Variants in RAPGEF5 observed in about 807,000 individuals in gnomAD.
The protein encoded by RAPGEF5 is Rap guanine nucleotide exchange factor 5, also known as M-Ras-regulated GEF.
A neutral mutation model predicts 125.2 loss-of-function variants in RAPGEF5; 65 were observed. The observed-to-expected ratio is 0.52, with a 90% CI of 0.43 to 0.64. The LOEUF is 0.64. Among genes scored for constraint, RAPGEF5 ranks in the 30% least tolerant of loss-of-function variants. The pLI is 0.00. For missense variants in RAPGEF5, 958 were observed against 1,048.1 expected, an observed-to-expected ratio of 0.91 and a Z score of 1.19; for synonymous variants, 391 against 385.9, an observed-to-expected ratio of 1.01 and a Z score of -0.16.
At chr7:22,181,459 T>C (rs1784671924) in intron 11 of RAPGEF5, among the ~76,000 whole-genome samples, 1 of 152,172 alleles carries the variant, frequency 6.6e-6, no homozygotes, top group South Asian at 2.1e-4. Context: ...TCCCACTAAA[T>C]GAAGCTCATT....
At chr7:22,300,206 T>C (rs910469319) in intron 5 of RAPGEF5, among the ~76,000 whole-genome samples, 3 of 152,222 alleles carry the variant, frequency 2.0e-5, no homozygotes, top group Non-Finnish European at 4.4e-5. Flanking sequence ...TAATGAGCTA[T>C]CTTCAGGTCA....
chr7:22,144,649 C>T (rs934285376), intron 20 of RAPGEF5, among the ~76,000 whole-genome samples: 2 of 152,086 alleles, frequency 1.3e-5, no homozygotes, highest in African/African-American at 2.4e-5. Context: ...TACGGTGGGC[C>T]TCAAGGAGCA....
intron 6 of RAPGEF5, among the ~76,000 whole-genome samples, chr7:22,277,678 T>C (rs978492974): frequency 1.1e-4 from 16 of 152,176 alleles, no homozygotes; most frequent in African/African-American, 3.9e-4. Context: ...ACCCGGAAGC[T>C]GCCCATAGCT....
rs567128189 is a variant in RAPGEF5, at chr7:22,306,851, G to A, written c.680+1488C>T. 8.6e-4 allele frequency among the ~76,000 whole-genome samples: 131 copies of A among 152,216 alleles called. 1 individual carries two copies. In the South Asian group the frequency reaches 0.011, roughly 13 times the overall value. ...CATGTCTTGGCACCTTGTTGAAAAC[G>A]AGTTCACTGTAGGTGTGTGGGTTTG... On this transcript the variant is annotated intron_variant, in intron 5 of 25. Transcript: ENST00000665637.
chr7:22,316,481 A>T (rs1173252648), intron 2 of RAPGEF5, among the ~76,000 whole-genome samples: 30 of 42,598 alleles, frequency 7.0e-4, no homozygotes, highest in East Asian at 2.7e-3. Context: ...ATATATATAT[A>T]TATATATATT....
chr7:22,122,168 G>C lies in RAPGEF5; in HGVS notation c.*238C>G. 2.2e-6 allele frequency: 1 copy of C among 460,780 alleles called. No individual in the cohort carries two copies. Among genetic ancestry groups the C allele is most frequent in the Non-Finnish European group, 4.0e-6 (1 of 251,992 alleles). The allele number at this position is 460,780 out of a possible 1,614,324, so 28.5% of individuals were successfully genotyped here. ...AAGAAACCAGCCTTCTCCATCTCAA[G>C]AATGCTTCTGACTCTCCTTCTGCCT... On this transcript the variant is annotated 3_prime_UTR_variant, in exon 26 of 26. Coordinates refer to ENST00000665637, the MANE Select transcript of RAPGEF5 (RefSeq NM_012294.5).
At position 22,226,024 on chromosome 7, in the gene RAPGEF5, T is replaced by C. The variant is rs1041569475; in HGVS notation, c.870+4822A>G. ...ATTCCTGTGGGAAAGGCCACATGGA[T>C]GATAAATGAGCATCTTACTGGGACA... On this transcript the variant is annotated intron_variant, in intron 8 of 25. Transcript: ENST00000665637. Among the ~76,000 whole-genome samples, 8 of 152,352 alleles carry C rather than the reference T, an allele frequency of 5.3e-5. No individual in the cohort carries two copies. In the South Asian group the frequency reaches 8.3e-4, roughly 16 times the overall value.
At chr7:22,254,417 T>C (rs1786701301) in intron 7 of RAPGEF5, among the ~76,000 whole-genome samples, 1 of 151,394 alleles carries the variant, frequency 6.6e-6, no homozygotes, top group Admixed American at 6.6e-5. Flanking sequence ...GAGACCAGCC[T>C]GACCAAGGTG....
At chr7:22,314,088 A>T (rs1220622963) in intron 3 of RAPGEF5, among the ~76,000 whole-genome samples, 1 of 152,226 alleles carries the variant, frequency 6.6e-6, no homozygotes, top group African/African-American at 2.4e-5. Context: ...TGTAAATGTT[A>T]ATGTGATTGA....
chr7:22,343,469 T>G (rs1410436972), intron 1 of RAPGEF5, among the ~76,000 whole-genome samples: 1 of 152,204 alleles, frequency 6.6e-6, no homozygotes, highest in East Asian at 1.9e-4. Flanking sequence ...TTTATATATT[T>G]CATTTATTAA....
At position 22,257,715 on chromosome 7, in the gene RAPGEF5, A is replaced by G. The variant is rs190962036; in HGVS notation, c.796+9249T>C. Among the ~76,000 whole-genome samples the G allele has an allele frequency of 3.9e-3, 589 of 152,366 alleles. 1 individual carries two copies. Among genetic ancestry groups the G allele is most frequent in the Non-Finnish European group, 5.7e-3 (386 of 68,034 alleles). Reference sequence around the variant, plus strand: ...TTCCATATTTGAATTCTTTGAATACAGTAATATATATCTTGTTGGTTATTT... The same window carrying G: ...TTCCATATTTGAATTCTTTGAATACGGTAATATATATCTTGTTGGTTATTT... On this transcript the variant is annotated intron_variant, in intron 7 of 25. Transcript: ENST00000665637.
chr7:22,241,230 G>A (rs1786322326), intron 7 of RAPGEF5, among the ~76,000 whole-genome samples: 1 of 152,122 alleles, frequency 6.6e-6, no homozygotes, highest in Admixed American at 6.5e-5. Flanking sequence ...CTTATATTAT[G>A]CTCATTAAGT....
chr7:22,206,155 T>A (rs1459202600), intron 9 of RAPGEF5, among the ~76,000 whole-genome samples: 5 of 152,102 alleles, frequency 3.3e-5, no homozygotes, highest in African/African-American at 9.7e-5. Flanking sequence ...CTAGAAGAAA[T>A]CTTAGACATC....
At chr7:22,157,466 G>A (rs777498084) in intron 15 of RAPGEF5, among the ~76,000 whole-genome samples, 36 of 152,114 alleles carry the variant, frequency 2.4e-4, no homozygotes, top group Non-Finnish European at 4.6e-4. Flanking sequence ...TTCTCTTTCG[G>A]TTGTATTAAA....
At chr7:22,150,310 C>A in intron 18 of RAPGEF5, 97 bp downstream of exon 18, 1 of 1,232,254 alleles carries the variant, frequency 8.1e-7, no homozygotes, top group Non-Finnish European at 1.1e-6. Context: ...TGAGCTCAAG[C>A]CATCTTCCTG....
At chr7:22,183,270 A>C (rs916364219) in intron 11 of RAPGEF5, among the ~76,000 whole-genome samples, 18 of 123,280 alleles carry the variant, frequency 1.5e-4, no homozygotes, top group Admixed American at 8.2e-5. Flanking sequence ...CTCCATCACA[A>C]AAAAAAAAAA....
intron 3 of RAPGEF5, among the ~76,000 whole-genome samples, chr7:22,311,973 G>C (rs1783480374): frequency 6.6e-6 from 1 of 152,290 alleles, no homozygotes; most frequent in Non-Finnish European, 1.5e-5. Context: ...AGTCTGCTCT[G>C]AGTGTCTGAC....
intron 1 of RAPGEF5, among the ~76,000 whole-genome samples, chr7:22,318,377 C>T (rs1228704551): frequency 1.3e-5 from 2 of 152,116 alleles, no homozygotes; most frequent in Non-Finnish European, 2.9e-5. Flanking sequence ...CTAACTCAGG[C>T]CTTCATCACT....
intron 9 of RAPGEF5, among the ~76,000 whole-genome samples, chr7:22,201,771 T>G (rs1160250774): frequency 6.6e-6 from 1 of 152,198 alleles, no homozygotes; most frequent in African/African-American, 2.4e-5. Context: ...AGCTTAAATT[T>G]TATTAAATAT....
Sources: gnomAD v4.1 joint callset for allele counts (sites outside exome capture counted in the v4.1 genomes callset) on GRCh38, gnomAD v4.1.1 for gene constraint, MANE v1.5 for transcripts, NCBI Gene and HGNC (gene_info 2026-07-23, HGNC 2026-07-21) for gene names.